ZBTB49: variants seen among roughly 807,000 people sequenced by gnomAD.
ZBTB49 encodes the protein zinc finger and BTB domain containing 49, also known as zinc finger and BTB domain-containing protein 49.
In ZBTB49, 43 loss-of-function variants were observed where a neutral mutation model predicts 57.5. The observed-to-expected ratio is 0.75, with a 90% CI of 0.59 to 0.97. The LOEUF is 0.97. ZBTB49 is among the 50% of genes least tolerant of loss of function. The pLI is 0.00. For synonymous variants in ZBTB49, 369 were observed against 362.1 expected (o/e 1.02, Z -0.22); for missense variants, 938 against 947.7 (o/e 0.99, Z 0.13).
chr4:4,320,575 G>C (rs948987215), intron 7 of ZBTB49, 65 bp from the exon 8 acceptor site: 10 of 1,586,222 alleles, frequency 6.3e-6, no homozygotes, highest in Non-Finnish European at 7.7e-6. Context: ...AGGAGTTCAC[G>C]ACCAGCCTGG....
At chr4:4,305,900 A>C (rs756427497) in intron 3 of ZBTB49, among the ~76,000 whole-genome samples, 1 of 152,238 alleles carries the variant, frequency 6.6e-6, no homozygotes, top group Non-Finnish European at 1.5e-5. Flanking sequence ...CATTGATTTT[A>C]ACATAAGTTT....
At chr4:4,307,435 C>T (rs962947341) in intron 4 of ZBTB49, among the ~76,000 whole-genome samples, 12 of 152,350 alleles carry the variant, frequency 7.9e-5, no homozygotes, top group Admixed American at 7.2e-4. Flanking sequence ...CGTCACTACC[C>T]TGTGACTTTG....
At chr4:4,312,530 G>C (rs1395450576) in intron 4 of ZBTB49, among the ~76,000 whole-genome samples, 1 of 152,198 alleles carries the variant, frequency 6.6e-6, no homozygotes, top group African/African-American at 2.4e-5. Context: ...TGAGAAACCT[G>C]TCAGAAAGAA....
intron 7 of ZBTB49, among the ~76,000 whole-genome samples, chr4:4,317,895 C>G (rs1353424027): frequency 6.6e-6 from 1 of 152,180 alleles, no homozygotes; most frequent in Non-Finnish European, 1.5e-5. Context: ...TCTTTCCTGG[C>G]TCTCTGGTTT....
intron 4 of ZBTB49, 109 bp downstream of exon 4, chr4:4,306,293 C>A: frequency 1.1e-6 from 1 of 891,296 alleles, no homozygotes. Context: ...CTAATGATGT[C>A]TGTAACTTAA....
intron 1 of ZBTB49, 128 bp from the exon 2 acceptor site, chr4:4,299,799 G>GTGTGTA (rs1720393557): frequency 1.4e-6 from 1 of 726,406 alleles, no homozygotes; most frequent in African/African-American, 1.8e-5. Flanking sequence ...GTGTGTGTGT[G>GTGTGTA]TGTGTGTGTG....
chr4:4,299,818 A>AGAG, intron 1 of ZBTB49, 109 bp from the exon 2 acceptor site: 2 of 920,140 alleles, frequency 2.2e-6, no homozygotes, highest in African/African-American at 1.7e-5. Flanking sequence ...TGTGAGAGAG[A>AGAG]AACTGTGATG....
chr4:4,298,684 CCT>C (rs1444811945), intron 1 of ZBTB49, among the ~76,000 whole-genome samples: 4 of 152,182 alleles, frequency 2.6e-5, no homozygotes, highest in Non-Finnish European at 5.9e-5. Context: ...CCTGCCTCAA[CCT>C]CCCAAAGTGT....
At position 4,302,751 on chromosome 4, in the gene ZBTB49, G is replaced by C. The variant is rs555707355; in HGVS notation, c.915G>C (p.Lys305Asn). 6.2e-7 allele frequency: 1 copy of C among 1,614,022 alleles called. No homozygotes were observed. Among genetic ancestry groups the C allele is most frequent in the South Asian group, 1.1e-5 (1 of 91,076 alleles). ...QQPVKQMRLK[K>N]AIHLKKLNFL... ...CTGTCAAGCAGATGAGGCTCAAAAA[G>C]GCCATTCATCTGAAGAAGCTCAATT... Residue 305 changes from lysine (K) to asparagine (N), a missense_variant, in exon 3 of 8, where the codon AAG becomes AAC. Lys to Asn is a moderately conservative substitution (Grantham distance 94, BLOSUM62 0). Transcript: ENST00000337872.
intron 3 of ZBTB49, among the ~76,000 whole-genome samples, chr4:4,303,760 C>CTCTCTCTCTCTCTCTGTGTG (rs1223289249): frequency 8.2e-6 from 1 of 121,410 alleles, no homozygotes; most frequent in African/African-American, 3.3e-5. Flanking sequence ...CTCTCTCTCT[C>CTCTCTCTCTCTCTCTGTGTG]TGTGTGTGTG....
Position 4,321,116 on chromosome 4 carries a change from G to A in ZBTB49, c.2098G>A (p.Gly700Ser), listed in dbSNP as rs778526581. 1.7e-5 allele frequency: 28 copies of A among 1,614,042 alleles called. 1 individual carries two copies. Among genetic ancestry groups the A allele is most frequent in the Middle Eastern group, 1.6e-4 (1 of 6,084 alleles). The change falls in exon 8 of 8, where the codon GGT (glycine) becomes AGT (serine). Residue 700 changes from glycine to serine, a missense_variant. Coordinates refer to ENST00000337872, the MANE Select transcript of ZBTB49 (RefSeq NM_145291.4). Reference protein sequence around the residue: ...YAYSDVDTPAGGEPLQADGMA... With the variant: ...YAYSDVDTPASGEPLQADGMA... The stretch of plus-strand genomic sequence containing the variant: ...TTACTCGGATGTGGACACCCCAGCC[G>A]GTGGCGAACCACTGCAGGCCGATGG...
chr4:4,292,570 A>G (rs550333141), intron 1 of ZBTB49, among the ~76,000 whole-genome samples: 1 of 152,330 alleles, frequency 6.6e-6, no homozygotes, highest in East Asian at 1.9e-4. Flanking sequence ...TGGCCTTCCC[A>G]GTATGATAAG....
rs768897219 is a variant in ZBTB49, at chr4:4,302,595, G to A, written c.759G>A (p.Glu253=). 6 of 1,613,812 alleles carry A rather than the reference G, an allele frequency of 3.7e-6. No homozygotes were observed. In the Admixed American group the frequency reaches 6.7e-5, roughly 18 times the overall value. The stretch of plus-strand genomic sequence containing the variant: ...CCTCTACAGACCTTACCACGGTAGA[G>A]AGCCAGCCTTGTGCCGTCAGTCATT... ...FSTSTDLTTV[E]SQPCAVSHSE... is the part of the protein sequence containing the mutation. The change falls in exon 3 of 8, where the codon GAG becomes GAA. Residue 253 remains glutamate (E), a synonymous_variant. Transcript: ENST00000337872.
At chr4:4,297,175 A>T (rs1720244365) in intron 1 of ZBTB49, among the ~76,000 whole-genome samples, 1 of 152,198 alleles carries the variant, frequency 6.6e-6, no homozygotes, top group African/African-American at 2.4e-5. Context: ...GGTTCAAGTG[A>T]ATCGCCTGCC....
chr4:4,295,504 T>C (rs1006877102), intron 1 of ZBTB49, among the ~76,000 whole-genome samples: 2 of 152,148 alleles, frequency 1.3e-5, no homozygotes, highest in Non-Finnish European at 2.9e-5. Context: ...TTAGCACAGG[T>C]CTGTGGTAAA....
intron 4 of ZBTB49, among the ~76,000 whole-genome samples, chr4:4,306,643 G>C (rs751568086): frequency 6.6e-6 from 1 of 152,174 alleles, no homozygotes; most frequent in Non-Finnish European, 1.5e-5. Context: ...CCTCCATTAA[G>C]GTCATTTGGA....
intron 1 of ZBTB49, among the ~76,000 whole-genome samples, chr4:4,291,627 T>C (rs1040353150): frequency 3.9e-5 from 6 of 152,238 alleles, no homozygotes; most frequent in African/African-American, 1.4e-4. Context: ...AGGGCACATA[T>C]GTGTACTTCA....
At position 4,302,684 on chromosome 4, in the gene ZBTB49, A is replaced by C; in HGVS notation, c.848A>C (p.Asp283Ala). The change falls in exon 3 of 8, where the codon GAC becomes GCC. Residue 283 changes from aspartate to alanine, a missense_variant. By Grantham distance (126) the Asp-to-Ala change is moderately radical (BLOSUM62 -2). Around this residue, in one of 3 missense-constraint regions of ZBTB49, gnomAD observed 835 missense variants for 819.1 expected, o/e 1.02. Transcript: ENST00000337872. Reference sequence around the variant, plus strand: ...AACTTCCTGGCCCAGCCTGTGAATGACTCTGCCCCACACCCTGAGTCAGAC... The same window carrying C: ...AACTTCCTGGCCCAGCCTGTGAATGCCTCTGCCCCACACCCTGAGTCAGAC... ...PSNFLAQPVN[D>A]SAPHPESDAT... is the part of the protein sequence containing the mutation. The C allele has an allele frequency of 6.2e-7, 1 of 1,611,246 alleles. No individual in the cohort carries two copies. The highest frequency in any genetic ancestry group is 8.5e-7 in the Non-Finnish European group (1 of 1,178,440).
At chr4:4,317,159 C>A (rs1311492358) in intron 7 of ZBTB49, among the ~76,000 whole-genome samples, 1 of 151,638 alleles carries the variant, frequency 6.6e-6, no homozygotes, top group African/African-American at 2.4e-5. Flanking sequence ...CTGCTCAGAC[C>A]CTGCAGTGGA....
Sources: gnomAD v4.1 joint callset for allele counts (sites outside exome capture counted in the v4.1 genomes callset) on GRCh38, gnomAD v4.1.1 for gene constraint, gnomAD v4.1.1 regional missense constraint, MANE v1.5 for transcripts, NCBI Gene and HGNC (gene_info 2026-07-23, HGNC 2026-07-21) for gene names.